CBLB: variants seen among roughly 807,000 people sequenced by gnomAD.
The protein encoded by CBLB is Cbl proto-oncogene B.
A neutral mutation model predicts 104.9 loss-of-function variants in CBLB; 31 were observed. That is an observed-to-expected ratio of 0.30 (90% confidence interval 0.22 to 0.40). The LOEUF (loss-of-function observed/expected upper bound fraction) is 0.40, where lower values mean the gene tolerates loss of function less well. CBLB is among the 10% of genes least tolerant of loss of function. The pLI, the probability that CBLB is intolerant of heterozygous loss-of-function variation, is 1.00. For missense variants in CBLB, 1,062 were observed against 1,214.6 expected, an observed-to-expected ratio of 0.87 and a Z score of 1.87; for synonymous variants, 440 against 422.6, an observed-to-expected ratio of 1.04 and a Z score of -0.51.
At chr3:105,761,487 T>C (rs948110791) in intron 4 of CBLB, among the ~76,000 whole-genome samples, 1 of 152,208 alleles carries the variant, frequency 6.6e-6, no homozygotes, top group East Asian at 1.9e-4. Flanking sequence ...ATTCTTGTGG[T>C]AGTAAATAAG....
intron 3 of CBLB, among the ~76,000 whole-genome samples, chr3:105,837,359 G>A (rs963565299): frequency 4.6e-5 from 7 of 152,158 alleles, no homozygotes; most frequent in Admixed American, 6.6e-5. Context: ...CCCAGTTGCC[G>A]AAAAGTCCTG....
intron 3 of CBLB, among the ~76,000 whole-genome samples, chr3:105,838,641 T>C (rs1489133040): frequency 6.6e-6 from 1 of 150,466 alleles, no homozygotes; most frequent in Non-Finnish European, 1.5e-5. Context: ...AACAAAACTT[T>C]AAAAACCTTA....
At chr3:105,810,381 C>A (rs1330702674) in intron 3 of CBLB, among the ~76,000 whole-genome samples, 2 of 151,976 alleles carry the variant, frequency 1.3e-5, no homozygotes, top group Non-Finnish European at 2.9e-5. Flanking sequence ...GTGTGTGAAC[C>A]AGATTCACTT....
At chr3:105,738,070 A>G (rs1485048229) in intron 7 of CBLB, among the ~76,000 whole-genome samples, 1 of 152,172 alleles carries the variant, frequency 6.6e-6, no homozygotes, top group Non-Finnish European at 1.5e-5. Context: ...AATTGAAAAA[A>G]GTGGTAATGT....
intron 4 of CBLB, among the ~76,000 whole-genome samples, chr3:105,759,148 T>A (rs1291176027): frequency 6.6e-6 from 1 of 152,178 alleles, no homozygotes; most frequent in Non-Finnish European, 1.5e-5. Flanking sequence ...GTAGCTCCTT[T>A]CTGCAGGCAG....
chr3:105,718,392 T>G (rs1022232648), intron 10 of CBLB, among the ~76,000 whole-genome samples: 1 of 152,130 alleles, frequency 6.6e-6, no homozygotes, highest in Non-Finnish European at 1.5e-5. Flanking sequence ...TAAAAATTTG[T>G]ATGTAAAATA....
intron 3 of CBLB, among the ~76,000 whole-genome samples, chr3:105,790,421 T>C (rs2081500189): frequency 6.6e-6 from 1 of 152,256 alleles, no homozygotes; most frequent in Non-Finnish European, 1.5e-5. Context: ...TTCCCTGTTT[T>C]CAGATTGATT....
intron 3 of CBLB, among the ~76,000 whole-genome samples, chr3:105,830,024 C>T (rs1347642824): frequency 6.6e-6 from 1 of 152,138 alleles, no homozygotes; most frequent in African/African-American, 2.4e-5. Context: ...AGAATTCTTA[C>T]TCTGGGGAAT....
chr3:105,792,202 CTCAAAAGATCCTTTATTTT>C (rs2065691254), intron 3 of CBLB, among the ~76,000 whole-genome samples: 1 of 152,166 alleles, frequency 6.6e-6, no homozygotes, highest in South Asian at 2.1e-4. Context: ...TAGCAGGACC[CTCAAAAGATCCTTTATTTT>C]TCATTGCTCT....
At chr3:105,756,938 C>T (rs1048437997) in intron 4 of CBLB, among the ~76,000 whole-genome samples, 2 of 152,090 alleles carry the variant, frequency 1.3e-5, no homozygotes, top group East Asian at 1.9e-4. Context: ...GCCATCCTGA[C>T]GACAATGAGT....
At chr3:105,745,710 T>A (rs1254603749) in intron 6 of CBLB, among the ~76,000 whole-genome samples, 1 of 152,128 alleles carries the variant, frequency 6.6e-6, no homozygotes, top group Non-Finnish European at 1.5e-5. Context: ...CCATATCCCC[T>A]TTCACTTTAT....
intron 5 of CBLB, chr3:105,749,789 T>A: frequency 3.6e-6 from 1 of 277,486 alleles, no homozygotes; most frequent in Admixed American, 4.9e-5. Context: ...AGAGGTTCCA[T>A]TATAAAATGA....
chr3:105,829,396 T>C (rs1057014488), intron 3 of CBLB, among the ~76,000 whole-genome samples: 9 of 152,256 alleles, frequency 5.9e-5, no homozygotes, highest in Middle Eastern at 3.4e-3. Context: ...TGGTGACTCA[T>C]GCCTGTGATC....
intron 10 of CBLB, among the ~76,000 whole-genome samples, chr3:105,708,370 A>C (rs1287757766): frequency 6.6e-6 from 1 of 152,114 alleles, no homozygotes; most frequent in East Asian, 1.9e-4. Context: ...GTGTATAAAA[A>C]TGCAGACCAA....
intron 9 of CBLB, among the ~76,000 whole-genome samples, chr3:105,721,123 C>T (rs562604946): frequency 5.0e-4 from 76 of 152,218 alleles, no homozygotes; most frequent in Middle Eastern, 3.4e-3. Flanking sequence ...TTTGGTTTTG[C>T]ATTATACCCT....
intron 12 of CBLB, among the ~76,000 whole-genome samples, chr3:105,699,307 A>G (rs1406491876): frequency 1.3e-5 from 2 of 152,152 alleles, no homozygotes; most frequent in African/African-American, 2.4e-5. Context: ...TTGACACTCT[A>G]TGTACAGCTG....
rs376787289 is a variant in CBLB at position 105,784,896 on chromosome 3, G to T, written c.420-8354C>A. Among the ~76,000 whole-genome samples, 14 of 152,180 alleles carry T rather than the reference G, an allele frequency of 9.2e-5. No individual in the cohort carries two copies. The South Asian group carries it at 2.9e-3, about 32-fold the overall frequency. ...AAGCTATCCAAATGGTCTGCTTTCC[G>T]TGAGTTAAGCCATTCGTTCACCCTA... On this transcript the variant is annotated intron_variant, in intron 3 of 18. Coordinates refer to ENST00000394030, the MANE Select transcript of CBLB (RefSeq NM_170662.5).
In CBLB at chr3:105,702,209, G is replaced by A. The variant is rs917399678; in HGVS notation, c.1844C>T (p.Pro615Leu). The A allele has an allele frequency of 1.9e-6, 3 of 1,614,086 alleles. No individual in the cohort carries two copies. The highest frequency in any genetic ancestry group is 2.5e-6 in the Non-Finnish European group (3 of 1,180,014). The change falls in exon 12 of 19, where the codon CCA becomes CTA. Residue 615 changes from proline (P) to leucine (L), a missense_variant. This residue lies in a region of CBLB where 605 missense variants were observed against 582.6 expected (regional missense o/e 1.04). Transcript: ENST00000394030. ...VGCRLLGEGS[P>L]KPGITASSNV... ...TGAACTCGCTGTGATTCCAGGTTTTGGAGAGCCCTCCCCTAGGAGTCGACA... is the reference window on the plus strand; with the variant it reads ...TGAACTCGCTGTGATTCCAGGTTTTAGAGAGCCCTCCCCTAGGAGTCGACA...
intron 5 of CBLB, among the ~76,000 whole-genome samples, chr3:105,748,387 T>G (rs1300169643): frequency 2.0e-4 from 31 of 152,178 alleles, no homozygotes; most frequent in Non-Finnish European, 4.4e-4. Flanking sequence ...TTCCTCACTA[T>G]TCCATTGATG....
Sources: gnomAD v4.1 joint callset for allele counts (sites outside exome capture counted in the v4.1 genomes callset) on GRCh38, gnomAD v4.1.1 for gene constraint, gnomAD v4.1.1 regional missense constraint, MANE v1.5 for transcripts, NCBI Gene and HGNC (gene_info 2026-07-23, HGNC 2026-07-21) for gene names.